Variants in CLCC1 observed in about 807,000 individuals in gnomAD.
The protein encoded by CLCC1 is chloride channel CLIC like 1, also known as chloride channel CLIC-like protein 1.
Under a neutral mutation model 63.3 loss-of-function variants are expected in CLCC1, and 39 were observed. The observed-to-expected ratio is 0.62, with a 90% CI of 0.48 to 0.81. The LOEUF (loss-of-function observed/expected upper bound fraction) is 0.81, where lower values mean the gene tolerates loss of function less well. Ranked by LOEUF, CLCC1 falls within the 30% of genes least tolerant of loss-of-function variation. The probability of loss-of-function intolerance (pLI) is 0.00; values close to 1 mark genes in which losing one functional copy is unlikely to be tolerated. For missense variants in CLCC1, 549 were observed against 669.4 expected, an observed-to-expected ratio of 0.82 and a Z score of 1.98; for synonymous variants, 217 against 239.8, an observed-to-expected ratio of 0.90 and a Z score of 0.88.
In CLCC1 at chr1:108,940,049, G is replaced by GTTGGGTATATAT; in HGVS notation, c.889_890insATATATACCCAA (p.Pro296_Thr297insAsnIleTyrPro). The GTTGGGTATATAT allele has an allele frequency of 6.2e-7, 1 of 1,608,238 alleles. No individual in the cohort carries two copies. Among genetic ancestry groups the GTTGGGTATATAT allele is most frequent in the Non-Finnish European group, 8.5e-7 (1 of 1,176,038 alleles). On this transcript the variant is annotated inframe_insertion, in exon 9 of 13. Coordinates refer to ENST00000369969, the MANE Select transcript of CLCC1 (RefSeq NM_001377458.1). ...TTTACAAAATATATGCTATACCTTT[G>GTTGGGTATATAT]TTGGTGGGACCAACCAAATAGGGTT...
At chr1:108,940,911 C>T (rs1173385354) in intron 8 of CLCC1, among the ~76,000 whole-genome samples, 1 of 151,880 alleles carries the variant, frequency 6.6e-6, no homozygotes, top group Non-Finnish European at 1.5e-5. Context: ...ATACATACAA[C>T]CAAAGGTAGT....
rs757750019 is a variant in CLCC1, at chr1:108,937,357, C to T, written c.1103G>A (p.Ser368Asn). ...TGGCCGAAGTGCCTGGGGAGGTTCG[C>T]TCTCAGGACCGCCTATATGTCTCAG... Reference protein sequence around the residue: ...HVLRHIGGPESEPPQALRPRD... With the variant: ...HVLRHIGGPENEPPQALRPRD... The change falls in exon 11 of 13, where the codon AGC becomes AAC. Residue 368 changes from serine (S) to asparagine (N), a missense_variant. Transcript: ENST00000369969. 1.9e-6 allele frequency: 3 copies of T among 1,614,078 alleles called. No homozygotes were observed. In the South Asian group the frequency reaches 3.3e-5, roughly 18 times the overall value.
chr1:108,939,673 TGAA>T lies in CLCC1; in HGVS notation c.1001_1003del (p.Leu334del), dbSNP rs1235688724. The T allele has an allele frequency of 6.2e-7, 1 of 1,614,100 alleles. No individual in the cohort carries two copies. Among genetic ancestry groups the T allele is most frequent in the Admixed American group, 1.7e-5 (1 of 60,006 alleles). Reference sequence around the variant, plus strand: ...TGCCATAATTATCAGCACTGGAAGATGAAGCAGCGCTGGAATTTCCTTCATGAG... The same window carrying T: ...TGCCATAATTATCAGCACTGGAAGATGCAGCGCTGGAATTTCCTTCATGAG... On this transcript the variant is annotated inframe_deletion, in exon 10 of 13. Coordinates refer to ENST00000369969, the MANE Select transcript of CLCC1 (RefSeq NM_001377458.1).
intron 7 of CLCC1, among the ~76,000 whole-genome samples, chr1:108,942,103 G>A (rs956059446): frequency 7.9e-5 from 12 of 152,084 alleles, no homozygotes; most frequent in African/African-American, 2.7e-4. Context: ...TCAGCCAGGC[G>A]TGATAGCACG....
At position 108,929,673 on chromosome 1, in the gene CLCC1, T is replaced by C. The variant is rs199555600; in HGVS notation, c.*2874A>G. On this transcript the variant is annotated 3_prime_UTR_variant, in exon 13 of 13. Coordinates refer to ENST00000369969, the MANE Select transcript of CLCC1 (RefSeq NM_001377458.1). Reference sequence around the variant, plus strand: ...TTGGTGCTTTCTTTCCCACAGTATGTCTTTTAATCTCTCTCATAAACTTCT... The same window carrying C: ...TTGGTGCTTTCTTTCCCACAGTATGCCTTTTAATCTCTCTCATAAACTTCT... 38 of 1,607,886 alleles carry C rather than the reference T, an allele frequency of 2.4e-5. No individual in the cohort carries two copies. Among genetic ancestry groups the C allele is most frequent in the Non-Finnish European group, 3.1e-5 (37 of 1,174,604 alleles).
At position 108,943,456 on chromosome 1, in the gene CLCC1, C is replaced by A. The variant is rs755357047; in HGVS notation, c.702+19G>T. On this transcript the variant is annotated intron_variant, in intron 7 of 12. Transcript: ENST00000369969. ...GAATAAATGTGTTAAAATTGTAAAACCCTCCATCCATATAATACCTTATAT... is the reference window on the plus strand; with the variant it reads ...GAATAAATGTGTTAAAATTGTAAAAACCTCCATCCATATAATACCTTATAT... 20 of 1,604,162 alleles carry A rather than the reference C, an allele frequency of 1.2e-5. No individual in the cohort carries two copies. Among genetic ancestry groups the A allele is most frequent in the East Asian group, 2.2e-5 (1 of 44,818 alleles).
At chr1:108,949,942 A>G in intron 3 of CLCC1, 21 bp from the exon 4 acceptor site, 1 of 1,411,404 alleles carries the variant, frequency 7.1e-7, no homozygotes, top group South Asian at 1.3e-5. Flanking sequence ...GTATAGAAAC[A>G]TTTTATTTCT....
chr1:108,943,812 G>A, intron 6 of CLCC1, 24 bp downstream of exon 6: 1 of 1,542,686 alleles, frequency 6.5e-7, no homozygotes, highest in Non-Finnish European at 8.9e-7. Flanking sequence ...TAATGACGTT[G>A]CCCTTGCCCT....
chr1:108,946,323 A>AAAT (rs1245410661), intron 5 of CLCC1, among the ~76,000 whole-genome samples: 1 of 151,676 alleles, frequency 6.6e-6, no homozygotes, highest in African/African-American at 2.4e-5. Context: ...AAAAAAAAAA[A>AAAT]ATCAGAAACT....
chr1:108,957,987 C>T (rs1460599029), intron 2 of CLCC1, among the ~76,000 whole-genome samples: 1 of 151,244 alleles, frequency 6.6e-6, no homozygotes, highest in East Asian at 1.9e-4. Flanking sequence ...TGCTATGAGG[C>T]AGGAAGAAAA....
At chr1:108,941,231 T>G (rs1240135704) in intron 8 of CLCC1, among the ~76,000 whole-genome samples, 174 bp downstream of exon 8, 1 of 152,228 alleles carries the variant, frequency 6.6e-6, no homozygotes, top group South Asian at 2.1e-4. Context: ...CCTGTGACTT[T>G]AGATGAGCAT....
chr1:108,931,803 CAA>C lies in CLCC1; in HGVS notation c.*742_*743del, dbSNP rs1186638511. 5.3e-6 allele frequency: 1 copy of C among 190,464 alleles called. No homozygotes were observed. Among genetic ancestry groups the C allele is most frequent in the Non-Finnish European group, 1.1e-5 (1 of 93,158 alleles). The allele number at this position is 190,464 out of a possible 1,614,324, so 11.8% of individuals were successfully genotyped here. A position where few individuals can be genotyped will look rare whatever the true frequency, so the allele number is the denominator to read the frequency against. On this transcript the variant is annotated 3_prime_UTR_variant, in exon 13 of 13. Coordinates refer to ENST00000369969, the MANE Select transcript of CLCC1 (RefSeq NM_001377458.1). ...CCACAACGTAAAAAGTTTGTGTATA[CAA>C]ACTTTTTGTATTATTTGTACACAAA...
intron 12 of CLCC1, 142 bp from the exon 13 acceptor site, chr1:108,932,643 T>G (rs1413845288): frequency 6.6e-6 from 1 of 152,188 alleles, no homozygotes; most frequent in African/African-American, 2.4e-5. Flanking sequence ...CTTTTCAGAG[T>G]CAGATCACAG....
intron 5 of CLCC1, among the ~76,000 whole-genome samples, chr1:108,946,032 G>A (rs778114812): frequency 2.0e-5 from 3 of 152,064 alleles, no homozygotes; most frequent in Admixed American, 2.0e-4. Flanking sequence ...AGACGTGGCC[G>A]GGCGCGGTGG....
At chr1:108,942,964 G>A (rs893580397) in intron 7 of CLCC1, among the ~76,000 whole-genome samples, 3 of 151,794 alleles carry the variant, frequency 2.0e-5, no homozygotes, top group African/African-American at 4.8e-5. Context: ...GGTCCAGGCT[G>A]GAGTGCAGCA....
intron 2 of CLCC1, among the ~76,000 whole-genome samples, chr1:108,956,894 A>AGGCGGGGAGGCGGGGAGGCGGGGG (rs1402891288): frequency 2.7e-5 from 1 of 37,052 alleles, no homozygotes; most frequent in Non-Finnish European, 5.1e-5. Flanking sequence ...GGAGGCGGGG[A>AGGCGGGGAGGCGGGGAGGCGGGGG]GGCGGGGAGG....
intron 10 of CLCC1, 143 bp from the exon 11 acceptor site, chr1:108,937,561 T>C: frequency 1.4e-6 from 1 of 703,356 alleles, no homozygotes; most frequent in South Asian, 2.5e-5. Flanking sequence ...TAATTTGACT[T>C]TTTTTCATTA....
At chr1:108,946,969 G>C (rs1162949783) in intron 5 of CLCC1, among the ~76,000 whole-genome samples, 2 of 152,086 alleles carry the variant, frequency 1.3e-5, no homozygotes, top group Non-Finnish European at 2.9e-5. Context: ...TTTAAGACCA[G>C]CTTGGCCAAT....
Position 108,931,669 on chromosome 1 carries a change from TTA to T in CLCC1, c.*876_*877del. 1.2e-6 allele frequency: 1 copy of T among 827,868 alleles called. No individual in the cohort carries two copies. The highest frequency in any genetic ancestry group is 1.7e-6 in the Non-Finnish European group (1 of 571,994). The allele number at this position is 827,868 out of a possible 1,614,324, so 51.3% of individuals were successfully genotyped here. A position where few individuals can be genotyped will look rare whatever the true frequency, so the allele number is the denominator to read the frequency against. The stretch of plus-strand genomic sequence containing the variant: ...GTTCTAAATTACAACCTGGATTACA[TTA>T]TGTTTCATGTATACTATAAGGTATG... On this transcript the variant is annotated 3_prime_UTR_variant, in exon 13 of 13. Coordinates refer to ENST00000369969, the MANE Select transcript of CLCC1 (RefSeq NM_001377458.1).
Sources: allele counts gnomAD v4.1 joint callset (sites outside exome capture counted in the v4.1 genomes callset), GRCh38; gene constraint gnomAD v4.1.1; transcripts MANE v1.5; gene names NCBI Gene and HGNC (gene_info 2026-07-23, HGNC 2026-07-21).